HCN1: variants seen among roughly 807,000 people sequenced by gnomAD.
HCN1 encodes hyperpolarization activated cyclic nucleotide gated potassium channel 1.
In HCN1, 13 loss-of-function variants were observed where a neutral mutation model predicts 78.9. The ratio of observed to expected loss-of-function variants is 0.16; its 90% CI spans 0.11 to 0.26. HCN1 has a LOEUF of 0.26. HCN1 is among the 10% of genes least tolerant of loss of function. The pLI is 1.00. For synonymous variants in HCN1, 552 were observed against 455.5 expected (o/e 1.21, Z -2.70); for missense variants, 810 against 1,154.3 (o/e 0.70, Z 4.32).
chr5:45,625,362 C>CAATTAGTGT (rs1745143613), intron 2 of HCN1, among the ~76,000 whole-genome samples: 1 of 152,140 alleles, frequency 6.6e-6, no homozygotes, highest in African/African-American at 2.4e-5. Flanking sequence ...ACAATATGTA[C>CAATTAGTGT]AATTAGTGTC....
chr5:45,318,598 G>A (rs781048575), intron 5 of HCN1, among the ~76,000 whole-genome samples: 1 of 150,502 alleles, frequency 6.6e-6, no homozygotes, highest in Non-Finnish European at 1.5e-5. Context: ...AAAAAGAAAA[G>A]TATAATAAAA....
chr5:45,589,114 A>G (rs1744303288), intron 2 of HCN1, among the ~76,000 whole-genome samples: 1 of 152,204 alleles, frequency 6.6e-6, no homozygotes, highest in Admixed American at 6.5e-5. Flanking sequence ...GTAACCTTAA[A>G]CCAAAAGAAG....
chr5:45,436,369 G>C (rs964242852), intron 3 of HCN1, among the ~76,000 whole-genome samples: 3 of 152,144 alleles, frequency 2.0e-5, no homozygotes, highest in South Asian at 4.1e-4. Context: ...CTTAAGGCAG[G>C]GGGGAGGTTC....
chr5:45,416,301 T>C (rs1018030147), intron 3 of HCN1, among the ~76,000 whole-genome samples: 1 of 151,974 alleles, frequency 6.6e-6, no homozygotes, highest in African/African-American at 2.4e-5. Flanking sequence ...GAGTGAGGAA[T>C]GAAAATGTCC....
chr5:45,358,127 G>A (rs184864948), intron 4 of HCN1, among the ~76,000 whole-genome samples: 5 of 152,008 alleles, frequency 3.3e-5, no homozygotes, highest in Admixed American at 6.6e-5. Context: ...TTAATTACCC[G>A]ATCTTAGGTT....
chr5:45,575,458 G>A (rs891795315), intron 2 of HCN1: 1 of 152,066 alleles, frequency 6.6e-6, no homozygotes, highest in Middle Eastern at 3.1e-3. Context: ...ATAGCATTAG[G>A]AGATGTACCT....
intron 5 of HCN1, among the ~76,000 whole-genome samples, chr5:45,315,093 C>T (rs1416306959): frequency 6.6e-6 from 1 of 152,186 alleles, no homozygotes; most frequent in East Asian, 1.9e-4. Flanking sequence ...CTCTCCAACC[C>T]AAATCAACAG....
At chr5:45,623,274 T>C (rs1451999389) in intron 2 of HCN1, among the ~76,000 whole-genome samples, 1 of 152,178 alleles carries the variant, frequency 6.6e-6, no homozygotes, top group Non-Finnish European at 1.5e-5. Context: ...TAAATATTCA[T>C]TGCTGAATGA....
At position 45,258,709 on chromosome 5, in the gene HCN1, G is replaced by C. The variant is rs1182488358; in HGVS notation, c.*3212C>G. ...CTATTTTGTTATAATAGGGCCTTGG[G>C]CCTACTATACAAACCTATTTTGTTT... On this transcript the variant is annotated 3_prime_UTR_variant, in exon 8 of 8. Coordinates refer to ENST00000303230, the MANE Select transcript of HCN1 (RefSeq NM_021072.4). 6.6e-6 allele frequency: 1 copy of C among 151,638 alleles called. No homozygotes were observed. The highest frequency in any genetic ancestry group is 1.5e-5 in the Non-Finnish European group (1 of 67,866). The allele number at this position is 151,638 out of a possible 1,614,324, so 9.4% of individuals were successfully genotyped here. A position where few individuals can be genotyped will look rare whatever the true frequency, so the allele number is the denominator to read the frequency against.
intron 1 of HCN1, among the ~76,000 whole-genome samples, chr5:45,660,051 G>A (rs1252871487): frequency 8.3e-6 from 1 of 120,002 alleles, no homozygotes; most frequent in Non-Finnish European, 1.7e-5. Context: ...GGGCAGCAGA[G>A]AGAAAGGTCG....
intron 6 of HCN1, among the ~76,000 whole-genome samples, chr5:45,301,086 T>TA (rs1175396857): frequency 2.0e-5 from 3 of 151,984 alleles, no homozygotes; most frequent in Non-Finnish European, 4.4e-5. Context: ...TTGATAAAGT[T>TA]AAAAAAATTC....
chr5:45,339,486 T>C lies in HCN1; in HGVS notation c.1377+13614A>G, dbSNP rs545457555. Among the ~76,000 whole-genome samples the C allele has an allele frequency of 5.3e-5, 8 of 152,232 alleles. No individual in the cohort carries two copies. In the East Asian group the frequency reaches 1.2e-3, roughly 22 times the overall value. The stretch of plus-strand genomic sequence containing the variant: ...TCAATAATACTCTATAGATGAAGCA[T>C]TAATGTGAAGAAAGGAAGACTAAGG... On this transcript the variant is annotated intron_variant, in intron 5 of 7. Transcript: ENST00000303230.
chr5:45,372,059 ATTATATTATATAT>A (rs1747388515), intron 4 of HCN1, among the ~76,000 whole-genome samples: 2 of 59,424 alleles, frequency 3.4e-5, no homozygotes, highest in African/African-American at 1.8e-4. Context: ...ATATAATATA[ATTATATTATATAT>A]TATATATAAT....
chr5:45,370,009 C>T (rs956593001), intron 4 of HCN1, among the ~76,000 whole-genome samples: 1 of 151,444 alleles, frequency 6.6e-6, no homozygotes, highest in Non-Finnish European at 1.5e-5. Flanking sequence ...ATTGTACTTC[C>T]ACTGGGGTTG....
At chr5:45,409,900 T>G (rs1739993589) in intron 3 of HCN1, among the ~76,000 whole-genome samples, 2 of 151,686 alleles carry the variant, frequency 1.3e-5, no homozygotes, top group African/African-American at 4.8e-5. Context: ...ATCTAGTATG[T>G]AAGGAACAAT....
chr5:45,324,200 C>A (rs1302183412), intron 5 of HCN1, among the ~76,000 whole-genome samples: 2 of 151,826 alleles, frequency 1.3e-5, no homozygotes. Context: ...AAAGAAACCA[C>A]AATCTGAGTG....
intron 5 of HCN1, among the ~76,000 whole-genome samples, chr5:45,330,439 T>G (rs920609560): frequency 8.6e-5 from 13 of 151,106 alleles, no homozygotes; most frequent in African/African-American, 2.7e-4. Flanking sequence ...ATACATATGA[T>G]GTACATATAT....
At chr5:45,580,621 T>G (rs369667504) in intron 2 of HCN1, among the ~76,000 whole-genome samples, 1 of 152,224 alleles carries the variant, frequency 6.6e-6, no homozygotes, top group Admixed American at 6.5e-5. Context: ...ATGTGCCATG[T>G]AGGTGTGCTG....
rs557863195 is a variant in HCN1, at chr5:45,424,993, T to C, written c.1012-28283A>G. 3.9e-5 allele frequency among the ~76,000 whole-genome samples: 6 copies of C among 152,220 alleles called. No individual in the cohort carries two copies. In the South Asian group the frequency reaches 1.2e-3, roughly 32 times the overall value. Reference sequence around the variant, plus strand: ...TATCAATCTCATTAACGGTCCATAGTTTGGGTGTTTGTCATTTGAATATAA... The same window carrying C: ...TATCAATCTCATTAACGGTCCATAGCTTGGGTGTTTGTCATTTGAATATAA... On this transcript the variant is annotated intron_variant, in intron 3 of 7. Coordinates refer to ENST00000303230, the MANE Select transcript of HCN1 (RefSeq NM_021072.4).
Sources: allele counts gnomAD v4.1 joint callset (sites outside exome capture counted in the v4.1 genomes callset), GRCh38; gene constraint gnomAD v4.1.1; transcripts MANE v1.5; gene names NCBI Gene and HGNC (gene_info 2026-07-23, HGNC 2026-07-21).